Variants in LDB2 observed in about 807,000 individuals in gnomAD.
The protein encoded by LDB2 is LIM domain-binding protein 2.
Under a neutral mutation model 44.3 loss-of-function variants are expected in LDB2, and 12 were observed. The ratio of observed to expected loss-of-function variants is 0.27; its 90% CI spans 0.17 to 0.44. The LOEUF is 0.44. Ranked by LOEUF, LDB2 falls within the 20% of genes least tolerant of loss-of-function variation. The probability of loss-of-function intolerance (pLI) is 1.00; values close to 1 mark genes in which losing one functional copy is unlikely to be tolerated. For synonymous variants in LDB2, 164 were observed against 174.8 expected, an observed-to-expected ratio of 0.94 and a Z score of 0.49; for missense variants, 344 against 473.5, an observed-to-expected ratio of 0.73 and a Z score of 2.54.
chr4:16,890,722 G>C (rs570662918), intron 1 of LDB2, among the ~76,000 whole-genome samples: 82 of 152,306 alleles, frequency 5.4e-4, no homozygotes, highest in African/African-American at 1.9e-3. Context: ...GTCTGGTAAA[G>C]GAGAACCAGA....
chr4:16,646,870 T>C (rs2152519082), intron 2 of LDB2, among the ~76,000 whole-genome samples: 1 of 152,336 alleles, frequency 6.6e-6, no homozygotes, highest in Admixed American at 6.5e-5. Context: ...GGGAAAAGCA[T>C]GCAGCCACTT....
At chr4:16,701,687 A>G (rs1261466205) in intron 2 of LDB2, among the ~76,000 whole-genome samples, 1 of 152,216 alleles carries the variant, frequency 6.6e-6, no homozygotes, top group African/African-American at 2.4e-5. Flanking sequence ...TTCTGGGGGC[A>G]GCTGCAGCCT....
intron 2 of LDB2, among the ~76,000 whole-genome samples, chr4:16,740,119 T>A (rs544434672): frequency 6.6e-6 from 1 of 152,160 alleles, no homozygotes; most frequent in Admixed American, 6.5e-5. Flanking sequence ...AACTTGGAAT[T>A]GGAGATGGGA....
At chr4:16,672,398 T>C (rs1301137069) in intron 2 of LDB2, among the ~76,000 whole-genome samples, 1 of 152,182 alleles carries the variant, frequency 6.6e-6, no homozygotes, top group East Asian at 1.9e-4. Flanking sequence ...GGAGAGGAGC[T>C]GCTGAAAGTT....
intron 2 of LDB2, among the ~76,000 whole-genome samples, chr4:16,607,129 C>T (rs1030330533): frequency 1.3e-5 from 2 of 152,248 alleles, no homozygotes; most frequent in East Asian, 3.9e-4. Context: ...AAACATGACC[C>T]TTGAAAGGGG....
At chr4:16,734,431 G>A (rs775057757) in intron 2 of LDB2, among the ~76,000 whole-genome samples, 28 of 152,158 alleles carry the variant, frequency 1.8e-4, no homozygotes, top group South Asian at 4.1e-4. Flanking sequence ...CTGTTCCCTG[G>A]AACGGTGCCT....
chr4:16,772,277 A>G (rs1024284176), intron 1 of LDB2, among the ~76,000 whole-genome samples: 3 of 152,190 alleles, frequency 2.0e-5, no homozygotes, highest in African/African-American at 7.2e-5. Flanking sequence ...GTCTTCTTAC[A>G]TACAAAAAAT....
At chr4:16,780,153 T>C (rs1172921982) in intron 1 of LDB2, among the ~76,000 whole-genome samples, 1 of 152,200 alleles carries the variant, frequency 6.6e-6, no homozygotes, top group Non-Finnish European at 1.5e-5. Flanking sequence ...AAAAAAATTA[T>C]TACTAGTAAG....
At chr4:16,853,130 A>C (rs1407260416) in intron 1 of LDB2, among the ~76,000 whole-genome samples, 11 of 152,242 alleles carry the variant, frequency 7.2e-5, no homozygotes. Context: ...ACAAGAATTA[A>C]GAAGGCATGT....
At chr4:16,769,303 TA>T (rs200882684) in intron 1 of LDB2, among the ~76,000 whole-genome samples, 23 of 43,306 alleles carry the variant, frequency 5.3e-4, no homozygotes, top group African/African-American at 1.0e-3. Context: ...TTTTTATTTT[TA>T]TTTTTTTTTG....
At chr4:16,854,102 T>A (rs965540957) in intron 1 of LDB2, among the ~76,000 whole-genome samples, 1 of 151,970 alleles carries the variant, frequency 6.6e-6, no homozygotes, top group Non-Finnish European at 1.5e-5. Flanking sequence ...AACTGTATGG[T>A]ATAGTTGATT....
At chr4:16,770,479 T>C (rs1020634917) in intron 1 of LDB2, among the ~76,000 whole-genome samples, 1 of 152,184 alleles carries the variant, frequency 6.6e-6, no homozygotes. Flanking sequence ...GCACAGAGTT[T>C]CAAAATGTAG....
At chr4:16,578,232 C>A (rs892409346) in intron 5 of LDB2, among the ~76,000 whole-genome samples, 11 of 152,078 alleles carry the variant, frequency 7.2e-5, no homozygotes, top group African/African-American at 2.7e-4. Flanking sequence ...AAACTTTCTG[C>A]ACAGCAAAGG....
intron 5 of LDB2, among the ~76,000 whole-genome samples, chr4:16,557,176 A>T (rs1453803547): frequency 6.6e-6 from 1 of 152,168 alleles, no homozygotes; most frequent in African/African-American, 2.4e-5. Flanking sequence ...CTGCATTTTC[A>T]TCTGAGGTAC....
chr4:16,502,733 G>A lies in LDB2; in HGVS notation c.1032C>T (p.Pro344=), dbSNP rs780430326. 3.7e-6 allele frequency: 6 copies of A among 1,613,824 alleles called. No individual in the cohort carries two copies. The South Asian group carries it at 4.4e-5, about 12-fold the overall frequency. ...MDDEEDFNNS[P]ALGNNSPWNS... ...TCCACGGGCTGTTGTTCCCCAGCGC[G>A]GGTGAATTGTTGAAGTCCTCCTCGT... Residue 344 remains proline, a synonymous_variant, in exon 8 of 8, where the codon CCC becomes CCT. Coordinates refer to ENST00000304523, the MANE Select transcript of LDB2 (RefSeq NM_001290.5).
At chr4:16,601,437 CT>C (rs1052455129) in intron 2 of LDB2, among the ~76,000 whole-genome samples, 8 of 152,202 alleles carry the variant, frequency 5.3e-5, no homozygotes, top group Non-Finnish European at 8.8e-5. Flanking sequence ...GGTTGAGAGT[CT>C]GATTTTCATA....
intron 1 of LDB2, among the ~76,000 whole-genome samples, chr4:16,779,447 GA>G (rs933803958): frequency 1.3e-5 from 2 of 152,166 alleles, no homozygotes; most frequent in African/African-American, 4.8e-5. Flanking sequence ...TTCAGAACGA[GA>G]CTAGGTGGCA....
At chr4:16,603,815 G>A (rs1723212086) in intron 2 of LDB2, among the ~76,000 whole-genome samples, 1 of 152,132 alleles carries the variant, frequency 6.6e-6, no homozygotes, top group South Asian at 2.1e-4. Context: ...AATACGAAAT[G>A]TATGTCCAGT....
At chr4:16,891,214 TA>T (rs551204831) in intron 1 of LDB2, among the ~76,000 whole-genome samples, 295 of 123,294 alleles carry the variant, frequency 2.4e-3, no homozygotes, top group African/African-American at 3.9e-3. Context: ...TATTTTTAAG[TA>T]AAAAAAAAAA....
Sources: gnomAD v4.1 joint callset for allele counts (sites outside exome capture counted in the v4.1 genomes callset) on GRCh38, gnomAD v4.1.1 for gene constraint, MANE v1.5 for transcripts, NCBI Gene and HGNC (gene_info 2026-07-23, HGNC 2026-07-21) for gene names.